COBL: variants seen among roughly 807,000 people sequenced by gnomAD.
COBL encodes the protein cordon-bleu WH2 repeat protein, also known as protein cordon-bleu.
In COBL, 51 loss-of-function variants were observed where a neutral mutation model predicts 98.8. The observed-to-expected ratio is 0.52, with a 90% confidence interval of 0.41 to 0.65. The LOEUF is 0.65. COBL is among the 30% of genes least tolerant of loss of function. The pLI is 0.00. For synonymous variants in COBL, 634 were observed against 651.7 expected, an observed-to-expected ratio of 0.97 and a Z score of 0.41; for missense variants, 1,617 against 1,617.5, an observed-to-expected ratio of 1.00 and a Z score of 0.01.
intron 2 of COBL, among the ~76,000 whole-genome samples, chr7:51,201,519 G>C (rs939785849): frequency 5.3e-5 from 8 of 152,058 alleles, no homozygotes; most frequent in East Asian, 1.9e-4. Context: ...AATATGAAGA[G>C]ACTTCAAAAC....
intron 5 of COBL, among the ~76,000 whole-genome samples, chr7:51,163,650 A>G (rs1787029907): frequency 6.6e-6 from 1 of 152,262 alleles, no homozygotes; most frequent in South Asian, 2.1e-4. Context: ...TATCAATAAT[A>G]TAACAAACTT....
intron 2 of COBL, among the ~76,000 whole-genome samples, chr7:51,215,906 G>A (rs990718706): frequency 6.6e-6 from 1 of 152,262 alleles, no homozygotes; most frequent in Admixed American, 6.5e-5. Flanking sequence ...ACCTGCTGCT[G>A]CAAGAGTCCT....
chr7:51,040,690 G>A (rs914881852), intron 8 of COBL, among the ~76,000 whole-genome samples: 1 of 152,130 alleles, frequency 6.6e-6, no homozygotes, highest in Non-Finnish European at 1.5e-5. Context: ...AGGTCTATCA[G>A]GTTCCCGAAC....
chr7:51,240,045 T>C (rs1458479852), intron 1 of COBL, among the ~76,000 whole-genome samples: 2 of 152,260 alleles, frequency 1.3e-5, no homozygotes, highest in African/African-American at 4.8e-5. Flanking sequence ...AATTTTTTTA[T>C]ATATTACAAA....
intron 1 of COBL, among the ~76,000 whole-genome samples, chr7:51,280,172 A>AT (rs530071338): frequency 1.2e-4 from 18 of 150,158 alleles, no homozygotes; most frequent in South Asian, 4.2e-4. Context: ...TCAGTTTAAC[A>AT]TTTTTTTTTT....
rs1045795095 is a variant in COBL at position 51,197,806 on chromosome 7, T to A, written c.246-4217A>T. Among the ~76,000 whole-genome samples, 104 of 152,326 alleles carry A rather than the reference T, an allele frequency of 6.8e-4. 1 individual carries two copies. The highest frequency in any genetic ancestry group is 1.5e-4 in the Non-Finnish European group (10 of 68,022). On this transcript the variant is annotated intron_variant, in intron 2 of 12. Coordinates refer to ENST00000265136, the MANE Select transcript of COBL (RefSeq NM_015198.5). ...TTTTTTTATCGTTGTTGATTTAAAA[T>A]CTGTTGTGTCTGAAATTAGTATTGC...
intron 7 of COBL, among the ~76,000 whole-genome samples, chr7:51,084,360 G>A (rs566206677): frequency 3.3e-5 from 5 of 152,202 alleles, no homozygotes; most frequent in Admixed American, 1.3e-4. Flanking sequence ...TGGCTTCGTC[G>A]TGAGCACTGA....
At chr7:51,119,267 C>A (rs988274923) in intron 6 of COBL, among the ~76,000 whole-genome samples, 1 of 152,006 alleles carries the variant, frequency 6.6e-6, no homozygotes, top group Non-Finnish European at 1.5e-5. Context: ...CATATATATC[C>A]TAGTGATATA....
At chr7:51,128,785 C>T (rs1453176697) in intron 6 of COBL, among the ~76,000 whole-genome samples, 1 of 152,172 alleles carries the variant, frequency 6.6e-6, no homozygotes, top group Non-Finnish European at 1.5e-5. Context: ...CTCCTAAGGG[C>T]GGGTGGGCAG....
intron 8 of COBL, chr7:51,031,374 T>C (rs923691118): frequency 9.5e-5 from 15 of 157,750 alleles, no homozygotes; most frequent in African/African-American, 3.6e-4. Flanking sequence ...AGTGAAGCCA[T>C]CTGGAGGCCA....
At chr7:51,110,627 C>A (rs1472252466) in intron 6 of COBL, among the ~76,000 whole-genome samples, 2 of 152,182 alleles carry the variant, frequency 1.3e-5, no homozygotes, top group Non-Finnish European at 2.9e-5. Context: ...GGTTTTGGTA[C>A]ACCCATCACC....
chr7:51,170,459 A>T (rs1213747304), intron 5 of COBL, among the ~76,000 whole-genome samples: 1 of 148,956 alleles, frequency 6.7e-6, no homozygotes, highest in Non-Finnish European at 1.5e-5. Flanking sequence ...TATTTTTCCA[A>T]GAAAACTTTA....
intron 6 of COBL, among the ~76,000 whole-genome samples, chr7:51,097,715 T>A (rs1276508486): frequency 6.6e-6 from 1 of 152,020 alleles, no homozygotes; most frequent in Non-Finnish European, 1.5e-5. Flanking sequence ...TTAAAAATAA[T>A]AAAATACTTA....
chr7:51,237,418 A>C (rs543990240), intron 1 of COBL, among the ~76,000 whole-genome samples: 2 of 152,318 alleles, frequency 1.3e-5, no homozygotes, highest in East Asian at 3.9e-4. Flanking sequence ...TAAAGTTTAA[A>C]ACACAAATGA....
chr7:51,112,100 A>G (rs1796881825), intron 6 of COBL, among the ~76,000 whole-genome samples: 1 of 152,232 alleles, frequency 6.6e-6, no homozygotes, highest in Non-Finnish European at 1.5e-5. Flanking sequence ...AAAGACTCCC[A>G]CACACATAAC....
At chr7:51,063,138 CTT>C (rs68014446) in intron 7 of COBL, among the ~76,000 whole-genome samples, 1,923 of 143,932 alleles carry the variant, frequency 0.013, 20 homozygotes, top group South Asian at 0.05. Context: ...TTTTCTCTCT[CTT>C]TTTTTTTTTT....
chr7:51,102,110 G>C (rs145519979), intron 6 of COBL, among the ~76,000 whole-genome samples: 2 of 152,170 alleles, frequency 1.3e-5, no homozygotes, highest in Non-Finnish European at 2.9e-5. Flanking sequence ...CGCCATGATC[G>C]TGGACTTTCT....
At chr7:51,294,624 C>CAAGAGTG (rs1801234938) in intron 1 of COBL, among the ~76,000 whole-genome samples, 1 of 93,648 alleles carries the variant, frequency 1.1e-5, no homozygotes, top group African/African-American at 4.3e-5. Context: ...GCTTGGGCGA[C>CAAGAGTG]AAGAGTGAAA....
chr7:51,219,161 G>A (rs10245444), intron 2 of COBL, among the ~76,000 whole-genome samples: 9,344 of 152,228 alleles, frequency 0.061, 344 homozygotes, highest in Middle Eastern at 0.14. Flanking sequence ...ACTCAGCCAC[G>A]GGCAGATCAG....
Sources: allele counts gnomAD v4.1 joint callset (sites outside exome capture counted in the v4.1 genomes callset), GRCh38; gene constraint gnomAD v4.1.1; transcripts MANE v1.5; gene names NCBI Gene and HGNC (gene_info 2026-07-23, HGNC 2026-07-21).